Variants in RASAL2 observed in about 807,000 individuals in gnomAD.
RASAL2 encodes the protein RAS protein activator like 2, also known as ras GTPase-activating protein nGAP.
Under a neutral mutation model 128.9 loss-of-function variants are expected in RASAL2, and 58 were observed. The observed-to-expected ratio is 0.45, with a 90% CI of 0.36 to 0.56. RASAL2 has a LOEUF of 0.56. Ranked by LOEUF, RASAL2 falls within the 20% of genes least tolerant of loss-of-function variation. RASAL2 has a pLI of 0.00. For missense variants in RASAL2, 1,360 were observed against 1,601.6 expected (o/e 0.85, Z 2.57); for synonymous variants, 561 against 580.8 (o/e 0.97, Z 0.49).
At chr1:178,163,514 T>A (rs1661406955) in intron 1 of RASAL2, among the ~76,000 whole-genome samples, 1 of 152,216 alleles carries the variant, frequency 6.6e-6, no homozygotes, top group Admixed American at 6.5e-5. Flanking sequence ...TTTATACTTC[T>A]GCATGTGGAT....
At chr1:178,404,576 T>C (rs1673872215) in intron 4 of RASAL2, among the ~76,000 whole-genome samples, 1 of 152,064 alleles carries the variant, frequency 6.6e-6, no homozygotes, top group Non-Finnish European at 1.5e-5. Context: ...AGACAGGGTT[T>C]CACCATGTTG....
chr1:178,446,631 C>T (rs1238156204), intron 9 of RASAL2, among the ~76,000 whole-genome samples: 3 of 152,096 alleles, frequency 2.0e-5, no homozygotes, highest in South Asian at 2.1e-4. Flanking sequence ...TCAACAGCCA[C>T]GTGTGACTAT....
chr1:178,324,823 T>C (rs1311535667), intron 3 of RASAL2, among the ~76,000 whole-genome samples: 2 of 152,156 alleles, frequency 1.3e-5, no homozygotes, highest in African/African-American at 2.4e-5. Context: ...ATAAATCAGA[T>C]TGGTGGAAAA....
At chr1:178,105,657 GAC>G (rs985423162) in intron 1 of RASAL2, among the ~76,000 whole-genome samples, 8 of 151,538 alleles carry the variant, frequency 5.3e-5, no homozygotes, top group African/African-American at 1.9e-4. Flanking sequence ...GAAATTACTA[GAC>G]ACATTCTCTT....
chr1:178,115,502 T>A (rs970582060), intron 1 of RASAL2, among the ~76,000 whole-genome samples: 1 of 152,104 alleles, frequency 6.6e-6, no homozygotes, highest in Non-Finnish European at 1.5e-5. Flanking sequence ...TAGTGGGAGT[T>A]AGTAGTGGGT....
At chr1:178,147,251 G>A (rs1196379640) in intron 1 of RASAL2, among the ~76,000 whole-genome samples, 1 of 152,132 alleles carries the variant, frequency 6.6e-6, no homozygotes, top group African/African-American at 2.4e-5. Flanking sequence ...CACTTAGGGA[G>A]GCCGAGGTGG....
At chr1:178,192,232 T>G (rs1558106078) in intron 1 of RASAL2, among the ~76,000 whole-genome samples, 1 of 152,186 alleles carries the variant, frequency 6.6e-6, no homozygotes, top group Non-Finnish European at 1.5e-5. Flanking sequence ...CCTCCAACTG[T>G]TAATATTTGG....
At chr1:178,413,120 C>T (rs1385863750) in intron 4 of RASAL2, among the ~76,000 whole-genome samples, 5 of 151,748 alleles carry the variant, frequency 3.3e-5, no homozygotes, top group African/African-American at 4.8e-5. Flanking sequence ...GCACGATCTC[C>T]GGCTAATTTT....
intron 4 of RASAL2, among the ~76,000 whole-genome samples, chr1:178,404,069 A>G (rs1673822162): frequency 6.6e-6 from 1 of 151,886 alleles, no homozygotes; most frequent in African/African-American, 2.4e-5. Context: ...TACTAAAAAT[A>G]CAAAAAATTA....
intron 3 of RASAL2, among the ~76,000 whole-genome samples, chr1:178,302,668 G>A (rs1348792815): frequency 5.3e-5 from 8 of 152,110 alleles, no homozygotes; most frequent in African/African-American, 1.4e-4. Context: ...AATTCATCTC[G>A]AAATGCCATA....
chr1:178,326,068 T>C (rs978121331), intron 3 of RASAL2, among the ~76,000 whole-genome samples: 1 of 152,126 alleles, frequency 6.6e-6, no homozygotes, highest in East Asian at 1.9e-4. Flanking sequence ...CTAGCTACGA[T>C]TATGCTACTG....
chr1:178,441,752 T>C, intron 7 of RASAL2, 105 bp downstream of exon 7: 1 of 803,772 alleles, frequency 1.2e-6, no homozygotes, highest in Non-Finnish European at 2.0e-6. Flanking sequence ...AGCTTGAGAG[T>C]TTTAAAGCAC....
chr1:178,339,223 A>G (rs1669743765), intron 3 of RASAL2, among the ~76,000 whole-genome samples: 1 of 152,224 alleles, frequency 6.6e-6, no homozygotes, highest in Non-Finnish European at 1.5e-5. Context: ...AGAATTAAAT[A>G]CCAAGGAAAG....
At chr1:178,340,622 G>A (rs1019624392) in intron 3 of RASAL2, among the ~76,000 whole-genome samples, 13 of 152,058 alleles carry the variant, frequency 8.5e-5, no homozygotes, top group Admixed American at 1.3e-4. Context: ...GAAGTTCTCA[G>A]TTTTAATCTC....
intron 4 of RASAL2, among the ~76,000 whole-genome samples, chr1:178,395,771 G>GTGTATATATA (rs1304461734): frequency 7.5e-6 from 1 of 133,024 alleles, no homozygotes; most frequent in Admixed American, 7.2e-5. Context: ...TTAATGAACA[G>GTGTATATATA]TATATATATA....
chr1:178,113,631 C>A (rs1205303914), intron 1 of RASAL2, among the ~76,000 whole-genome samples: 3 of 151,416 alleles, frequency 2.0e-5, no homozygotes, highest in Non-Finnish European at 1.5e-5. Context: ...AATCCCCCAA[C>A]CTTCGCCTCC....
intron 1 of RASAL2, among the ~76,000 whole-genome samples, chr1:178,262,130 T>A (rs1287177508): frequency 6.6e-6 from 1 of 152,080 alleles, no homozygotes; most frequent in Non-Finnish European, 1.5e-5. Flanking sequence ...AAGTATATTA[T>A]TTGGAGGAAT....
chr1:178,466,144 G>A (rs897749260), intron 16 of RASAL2, 22 bp downstream of exon 16: 1 of 1,527,232 alleles, frequency 6.5e-7, no homozygotes, highest in Non-Finnish European at 8.8e-7. Context: ...CCTGGCAGCA[G>A]ATGTGGGCTA....
intron 4 of RASAL2, among the ~76,000 whole-genome samples, chr1:178,410,375 A>G (rs1426218331): frequency 6.6e-6 from 1 of 152,184 alleles, no homozygotes; most frequent in Non-Finnish European, 1.5e-5. Flanking sequence ...AATCAACTCA[A>G]GATGGATCAA....
Sources: gnomAD v4.1 joint callset for allele counts (sites outside exome capture counted in the v4.1 genomes callset) on GRCh38, gnomAD v4.1.1 for gene constraint, MANE v1.5 for transcripts, NCBI Gene and HGNC (gene_info 2026-07-23, HGNC 2026-07-21) for gene names.